Variants in TADA2A observed in about 807,000 individuals in gnomAD.
TADA2A encodes transcriptional adaptor 2A, also known as transcriptional adapter 2-alpha.
In TADA2A, 38 loss-of-function variants were observed where a neutral mutation model predicts 67.4. That is an observed-to-expected ratio of 0.56 (90% CI 0.44 to 0.74). The LOEUF (loss-of-function observed/expected upper bound fraction) is 0.74. Among genes scored for constraint, TADA2A ranks in the 30% least tolerant of loss-of-function variants. The pLI, the probability that TADA2A is intolerant of heterozygous loss-of-function variation, is 0.00. For synonymous variants in TADA2A, 192 were observed against 181.6 expected, an observed-to-expected ratio of 1.06 and a Z score of -0.46; for missense variants, 454 against 547.0, an observed-to-expected ratio of 0.83 and a Z score of 1.70.
Position 37,445,980 on chromosome 17 carries a change from T to C in TADA2A, c.604+1212T>C, listed in dbSNP as rs192142665. Among the ~76,000 whole-genome samples, 3 of 152,180 alleles carry C rather than the reference T, an allele frequency of 2.0e-5. No homozygotes were observed. In the East Asian group the frequency reaches 5.8e-4, roughly 29 times the overall value. On this transcript the variant is annotated intron_variant, in intron 8 of 15. Transcript: ENST00000615182. ...GGGGAACTTGATTCTTTTCTCTCCATAGAAGAGCTGCCTGGATATTTGTTA... is the reference window on the plus strand; with the variant it reads ...GGGGAACTTGATTCTTTTCTCTCCACAGAAGAGCTGCCTGGATATTTGTTA...
intron 2 of TADA2A, among the ~76,000 whole-genome samples, chr17:37,421,565 G>A (rs1005002999): frequency 6.8e-6 from 1 of 147,030 alleles, no homozygotes; most frequent in African/African-American, 2.5e-5. Context: ...TCCTGGAACC[G>A]TTTGAGCCCA....
intron 8 of TADA2A, chr17:37,450,650 A>G (rs2053206870): frequency 6.6e-6 from 1 of 152,160 alleles, no homozygotes; most frequent in Non-Finnish European, 1.5e-5. Flanking sequence ...ATTACAGGTG[A>G]TTTTGGTTTG....
chr17:37,468,578 G>C (rs963359554), intron 12 of TADA2A, among the ~76,000 whole-genome samples: 1 of 151,468 alleles, frequency 6.6e-6, no homozygotes, highest in African/African-American at 2.4e-5. Flanking sequence ...TGTTGCCCAG[G>C]CTGGTCTCAA....
intron 8 of TADA2A, among the ~76,000 whole-genome samples, chr17:37,446,316 C>T (rs2898656): frequency 0.24 from 36,986 of 151,900 alleles, 4,597 homozygotes; most frequent in Middle Eastern, 0.36. Context: ...GTGGTGTTCC[C>T]TTTGAAGGTA....
intron 8 of TADA2A, among the ~76,000 whole-genome samples, chr17:37,453,689 C>T (rs937243764): frequency 6.6e-6 from 1 of 150,576 alleles, no homozygotes; most frequent in Non-Finnish European, 1.5e-5. Context: ...TATTACTCTT[C>T]AGAGTTAATC....
intron 10 of TADA2A, among the ~76,000 whole-genome samples, 161 bp from the exon 11 acceptor site, chr17:37,465,270 C>T (rs1724404409): frequency 6.6e-6 from 1 of 151,960 alleles, no homozygotes. Flanking sequence ...TAGTGTTTTG[C>T]ATTCTTGGCT....
chr17:37,435,471 G>A (rs2052696504), intron 4 of TADA2A, among the ~76,000 whole-genome samples: 1 of 151,774 alleles, frequency 6.6e-6, no homozygotes, highest in Non-Finnish European at 1.5e-5. Context: ...TGTATTTTTA[G>A]TAGAGACGGG....
intron 5 of TADA2A, among the ~76,000 whole-genome samples, chr17:37,438,854 A>G (rs370834690): frequency 1.6e-4 from 25 of 152,316 alleles, no homozygotes; most frequent in African/African-American, 5.3e-4. Flanking sequence ...AAGAACATAA[A>G]AAAGACATAG....
chr17:37,475,587 C>A (rs1036187100), intron 15 of TADA2A, among the ~76,000 whole-genome samples: 2 of 151,966 alleles, frequency 1.3e-5, no homozygotes, highest in Non-Finnish European at 2.9e-5. Context: ...ATTCTCCTGC[C>A]CCTGAGTAGC....
intron 9 of TADA2A, among the ~76,000 whole-genome samples, chr17:37,460,072 G>GA (rs1027201384): frequency 2.8e-5 from 4 of 143,112 alleles, no homozygotes; most frequent in African/African-American, 7.6e-5. Flanking sequence ...TCTCAAAAAA[G>GA]AAAAAAAACC....
At chr17:37,471,067 A>G (rs2053776728) in intron 13 of TADA2A, 27 bp from the exon 14 acceptor site, 2 of 1,613,838 alleles carry the variant, frequency 1.2e-6, no homozygotes, top group African/African-American at 2.7e-5. Context: ...ATATGACCTA[A>G]GTTTAAATTC....
chr17:37,464,063 C>T (rs757735868), intron 10 of TADA2A, among the ~76,000 whole-genome samples: 2 of 152,150 alleles, frequency 1.3e-5, no homozygotes, highest in Non-Finnish European at 2.9e-5. Flanking sequence ...ATTGAAACGA[C>T]CCAAGTAGCA....
Position 37,459,794 on chromosome 17 carries a change from G to A in TADA2A, c.668+1207G>A, listed in dbSNP as rs188603077. On this transcript the variant is annotated intron_variant, in intron 9 of 15. Transcript: ENST00000615182. ...CTTTTTCTTTTTTTAGACTGGGCGC[G>A]GTGGCTCACACCTGTAATCCCAGCA... 4.2e-4 allele frequency among the ~76,000 whole-genome samples: 63 copies of A among 151,688 alleles called. 3 individuals are homozygous for A. The highest frequency in any genetic ancestry group is 1.2e-3 in the African/African-American group (49 of 41,434).
intron 2 of TADA2A, among the ~76,000 whole-genome samples, chr17:37,414,794 T>C (rs2051989592): frequency 6.6e-6 from 1 of 152,190 alleles, no homozygotes; most frequent in Non-Finnish European, 1.5e-5. Flanking sequence ...CAACCCCTTG[T>C]ACTTACCAAC....
intron 5 of TADA2A, among the ~76,000 whole-genome samples, chr17:37,439,934 ATTTATTTATTAT>A (rs1444995491): frequency 1.8e-4 from 16 of 88,880 alleles, no homozygotes; most frequent in East Asian, 5.3e-4. Flanking sequence ...TTATTTATTT[ATTTATTTATTAT>A]TTTTTTTTTT....
intron 2 of TADA2A, among the ~76,000 whole-genome samples, chr17:37,421,886 A>AT (rs368260639): frequency 2.1e-5 from 3 of 143,922 alleles, no homozygotes; most frequent in Non-Finnish European, 4.6e-5. Context: ...TTATTTTTTT[A>AT]TTTTTTTTTG....
At chr17:37,413,118 G>A (rs1273871332) in intron 2 of TADA2A, among the ~76,000 whole-genome samples, 1 of 152,050 alleles carries the variant, frequency 6.6e-6, no homozygotes, top group East Asian at 1.9e-4. Context: ...GTAGATACAG[G>A]GTTTTACCTT....
chr17:37,446,087 G>A (rs570274135), intron 8 of TADA2A, among the ~76,000 whole-genome samples: 424 of 122,092 alleles, frequency 3.5e-3, no homozygotes, highest in Non-Finnish European at 5.4e-3. Flanking sequence ...TGAGCGGTGG[G>A]TTTTTTTTTG....
At chr17:37,421,921 C>G (rs1475470820) in intron 2 of TADA2A, among the ~76,000 whole-genome samples, 2 of 145,918 alleles carry the variant, frequency 1.4e-5, no homozygotes, top group African/African-American at 5.0e-5. Context: ...CTCTGTTGCC[C>G]AGACTGGAGT....
Sources: allele counts gnomAD v4.1 joint callset (sites outside exome capture counted in the v4.1 genomes callset), GRCh38; gene constraint gnomAD v4.1.1; transcripts MANE v1.5; gene names NCBI Gene and HGNC (gene_info 2026-07-23, HGNC 2026-07-21).